ZBTB20: variants seen among roughly 807,000 people sequenced by gnomAD.
The protein encoded by ZBTB20 is zinc finger and BTB domain-containing protein 20.
ZBTB20 carries 9 observed loss-of-function variants against 56.9 expected under a neutral mutation model. The observed-to-expected ratio is 0.16, with a 90% CI of 0.10 to 0.28. ZBTB20 has a LOEUF of 0.28. Ranked by LOEUF, ZBTB20 falls within the 10% of genes least tolerant of loss-of-function variation. ZBTB20 has a pLI of 1.00. For synonymous variants in ZBTB20, 417 were observed against 420.7 expected (o/e 0.99, Z 0.11); for missense variants, 655 against 1,003.0 (o/e 0.65, Z 4.69).
rs1217839268 is a variant in ZBTB20 at position 114,335,569 on chromosome 3, A to G, written c.*3436T>C. ...AGTGGCCATTTGATGGGCCAGGAAC[A>G]TAGCAATAAACAACTACCTCTTTGC... is the stretch of plus-strand genomic sequence containing the variant. On this transcript the variant is annotated 3_prime_UTR_variant, in exon 12 of 12. Coordinates refer to ENST00000675478, the MANE Select transcript of ZBTB20 (RefSeq NM_001348800.3). The G allele has an allele frequency of 1.3e-5, 2 of 152,244 alleles. No homozygotes were observed. The highest frequency in any genetic ancestry group is 1.3e-4 in the Admixed American group (2 of 15,282). The allele number at this position is 152,244 out of a possible 1,614,324, so 9.4% of individuals were successfully genotyped here.
intron 4 of ZBTB20, among the ~76,000 whole-genome samples, chr3:114,853,932 T>C (rs2075122700): frequency 6.6e-6 from 1 of 152,210 alleles, no homozygotes; most frequent in Admixed American, 6.5e-5. Flanking sequence ...GAGGCATTTG[T>C]TGTAAGTAAA....
chr3:114,802,872 G>A (rs1473461800), intron 4 of ZBTB20, among the ~76,000 whole-genome samples: 2 of 151,824 alleles, frequency 1.3e-5, no homozygotes, highest in African/African-American at 4.8e-5. Context: ...ATAGAAACTA[G>A]GCTGAATATT....
chr3:114,708,442 C>T (rs189522666), intron 5 of ZBTB20, among the ~76,000 whole-genome samples: 1 of 152,050 alleles, frequency 6.6e-6, no homozygotes, highest in African/African-American at 2.4e-5. Flanking sequence ...ACCCAGAAAT[C>T]TCACCTCTAG....
chr3:114,861,691 A>AC (rs2075537459), intron 4 of ZBTB20: 1 of 68,326 alleles, frequency 1.5e-5, no homozygotes, highest in African/African-American at 3.1e-5. Context: ...ACACACACAC[A>AC]CACACACACA....
chr3:115,059,945 G>A (rs1048032234), intron 2 of ZBTB20, among the ~76,000 whole-genome samples: 4 of 152,080 alleles, frequency 2.6e-5, no homozygotes, highest in Admixed American at 6.6e-5. Flanking sequence ...TACAGGAATT[G>A]AATTTATTCA....
chr3:114,734,298 G>A (rs1402676127), intron 5 of ZBTB20, among the ~76,000 whole-genome samples: 1 of 151,964 alleles, frequency 6.6e-6, no homozygotes, highest in African/African-American at 2.4e-5. Flanking sequence ...GGAGACCAAT[G>A]TGTTATTACA....
intron 2 of ZBTB20, among the ~76,000 whole-genome samples, chr3:115,005,593 T>C (rs962645240): frequency 3.5e-4 from 53 of 151,842 alleles, no homozygotes; most frequent in Admixed American, 2.9e-3. Flanking sequence ...TGCATTAATA[T>C]AATTAATCCC....
intron 6 of ZBTB20, among the ~76,000 whole-genome samples, chr3:114,617,698 TA>T (rs2058033061): frequency 6.6e-6 from 1 of 152,200 alleles, no homozygotes; most frequent in South Asian, 2.1e-4. Flanking sequence ...GTCTCATGCT[TA>T]CCCACTCAGA....
chr3:115,111,448 C>T (rs1280786844), intron 1 of ZBTB20, among the ~76,000 whole-genome samples: 1 of 152,058 alleles, frequency 6.6e-6, no homozygotes, highest in Non-Finnish European at 1.5e-5. Flanking sequence ...AACTGCAAAC[C>T]ACTGTAAGCT....
chr3:114,558,568 T>C (rs1007588187), intron 6 of ZBTB20, among the ~76,000 whole-genome samples: 1 of 152,094 alleles, frequency 6.6e-6, no homozygotes, highest in African/African-American at 2.4e-5. Context: ...AGGCAATGTA[T>C]TACACTGCCA....
intron 5 of ZBTB20, among the ~76,000 whole-genome samples, chr3:114,752,952 GA>G (rs2067680522): frequency 6.6e-6 from 1 of 152,052 alleles, no homozygotes; most frequent in Non-Finnish European, 1.5e-5. Flanking sequence ...CACAAAAGAT[GA>G]AAAAGAATTA....
chr3:114,423,389 C>T (rs528997730), intron 7 of ZBTB20, among the ~76,000 whole-genome samples: 1 of 152,244 alleles, frequency 6.6e-6, no homozygotes, highest in East Asian at 1.9e-4. Context: ...AAGAAGTTAA[C>T]AAAAGTTAAC....
At chr3:114,418,607 T>C (rs1576669944) in intron 7 of ZBTB20, among the ~76,000 whole-genome samples, 1 of 148,276 alleles carries the variant, frequency 6.7e-6, no homozygotes, top group Non-Finnish European at 1.5e-5. Context: ...AATCAAGCAG[T>C]GAGAACAGTT....
intron 5 of ZBTB20, among the ~76,000 whole-genome samples, chr3:114,715,750 CA>C (rs1384465380): frequency 1.3e-5 from 2 of 152,122 alleles, no homozygotes; most frequent in Non-Finnish European, 2.9e-5. Flanking sequence ...GACACTACCC[CA>C]CAACATGCAC....
chr3:114,969,484 G>A (rs1370404738), intron 3 of ZBTB20, among the ~76,000 whole-genome samples: 2 of 152,108 alleles, frequency 1.3e-5, no homozygotes, highest in Non-Finnish European at 2.9e-5. Context: ...ATATAGTTGG[G>A]AACAGGATAT....
rs1355480617 is a variant in ZBTB20 at position 114,334,162 on chromosome 3, T to A, written c.*4843A>T. The A allele has an allele frequency of 3.9e-5, 6 of 152,170 alleles. No homozygotes were observed. The highest frequency in any genetic ancestry group is 1.5e-5 in the Non-Finnish European group (1 of 68,084). 9.4% of individuals were successfully genotyped at this position (152,170 alleles called of 1,614,324 possible). Reference sequence around the variant, plus strand: ...GATACCTTTTCCACAAAATCATATATCCCCTGCTCCCAGCCCCAACTAATC... The same window carrying A: ...GATACCTTTTCCACAAAATCATATAACCCCTGCTCCCAGCCCCAACTAATC... On this transcript the variant is annotated 3_prime_UTR_variant, in exon 12 of 12. Transcript: ENST00000675478.
At position 114,888,143 on chromosome 3, in the gene ZBTB20, TG is replaced by T. The variant is rs1280073763; in HGVS notation, c.-417+12160del. 9.4e-5 allele frequency among the ~76,000 whole-genome samples: 14 copies of T among 149,120 alleles called. No homozygotes were observed. The East Asian group carries it at 2.5e-3, about 27-fold the overall frequency. Reference sequence around the variant, plus strand: ...AAGAAAAGAAAATTAATAGGCTGGGTGCAGTGGCTCACGCCTGTAAATCCAG... The same window carrying T: ...AAGAAAAGAAAATTAATAGGCTGGGTCAGTGGCTCACGCCTGTAAATCCAG... On this transcript the variant is annotated intron_variant, in intron 4 of 11. Coordinates refer to ENST00000675478, the MANE Select transcript of ZBTB20 (RefSeq NM_001348800.3).
intron 5 of ZBTB20, among the ~76,000 whole-genome samples, chr3:114,726,033 G>A (rs2065252631): frequency 6.6e-6 from 1 of 152,132 alleles, no homozygotes; most frequent in Non-Finnish European, 1.5e-5. Flanking sequence ...GTTTATTTTA[G>A]TAACACAAGA....
chr3:114,970,606 T>C (rs1369277549), intron 3 of ZBTB20, among the ~76,000 whole-genome samples: 3 of 152,218 alleles, frequency 2.0e-5, no homozygotes, highest in Non-Finnish European at 4.4e-5. Flanking sequence ...CAAAAACTTA[T>C]CATTCTACTG....
Sources: allele counts gnomAD v4.1 joint callset (sites outside exome capture counted in the v4.1 genomes callset), GRCh38; gene constraint gnomAD v4.1.1; transcripts MANE v1.5; gene names NCBI Gene and HGNC (gene_info 2026-07-23, HGNC 2026-07-21).